GRM8: variants seen among roughly 807,000 people sequenced by gnomAD.
GRM8 encodes glutamate metabotropic receptor 8.
In GRM8, 47 loss-of-function variants were observed where a neutral mutation model predicts 87.2. The ratio of observed to expected loss-of-function variants is 0.54; its 90% CI spans 0.43 to 0.69. The LOEUF is 0.69. Ranked by LOEUF, GRM8 falls within the 30% of genes least tolerant of loss-of-function variation. The pLI is 0.00. For synonymous variants in GRM8, 396 were observed against 404.5 expected (o/e 0.98, Z 0.25); for missense variants, 1,019 against 1,139.2 (o/e 0.89, Z 1.52).
At chr7:126,831,208 G>T (rs1761587439) in intron 6 of GRM8, among the ~76,000 whole-genome samples, 2 of 152,206 alleles carry the variant, frequency 1.3e-5, no homozygotes, top group African/African-American at 4.8e-5. Context: ...CCAGCTGAGT[G>T]CTGGGAGAAC....
chr7:126,619,978 A>C (rs1365697405), intron 7 of GRM8, among the ~76,000 whole-genome samples: 1 of 152,112 alleles, frequency 6.6e-6, no homozygotes, highest in Non-Finnish European at 1.5e-5. Flanking sequence ...GGCATGAATA[A>C]ATGTGCCCAG....
chr7:126,866,631 A>T (rs887570989), intron 6 of GRM8, among the ~76,000 whole-genome samples: 1 of 115,696 alleles, frequency 8.6e-6, no homozygotes, highest in Non-Finnish European at 1.6e-5. Context: ...TTGCTCTGTC[A>T]CCCAGGTTGG....
chr7:126,797,717 G>T (rs1822121371), intron 6 of GRM8, among the ~76,000 whole-genome samples: 1 of 151,932 alleles, frequency 6.6e-6, no homozygotes, highest in Non-Finnish European at 1.5e-5. Context: ...AAATTTAAAG[G>T]TCTAATCATT....
intron 1 of GRM8, among the ~76,000 whole-genome samples, chr7:127,249,244 A>C (rs568588946): frequency 2.6e-5 from 4 of 151,814 alleles, no homozygotes; most frequent in Admixed American, 2.0e-4. Context: ...CCCTGCGCTG[A>C]CCTCCCCAGA....
intron 8 of GRM8, among the ~76,000 whole-genome samples, chr7:126,601,936 A>T (rs1349309617): frequency 7.4e-6 from 1 of 135,252 alleles, no homozygotes; most frequent in Non-Finnish European, 1.7e-5. Context: ...CTTTAGTTTA[A>T]TTAGATCCCA....
chr7:127,154,697 C>A (rs971543661), intron 2 of GRM8, among the ~76,000 whole-genome samples: 3 of 151,906 alleles, frequency 2.0e-5, no homozygotes, highest in Non-Finnish European at 4.4e-5. Context: ...GATATCAATT[C>A]TTTTTGATTT....
chr7:127,201,538 T>C (rs1367802249), intron 2 of GRM8, among the ~76,000 whole-genome samples: 2 of 152,220 alleles, frequency 1.3e-5, no homozygotes, highest in Admixed American at 6.5e-5. Flanking sequence ...AGTGATCTCA[T>C]TAAAGGATCA....
intron 2 of GRM8, among the ~76,000 whole-genome samples, chr7:127,213,792 C>T (rs1247384822): frequency 2.0e-5 from 3 of 152,122 alleles, no homozygotes; most frequent in East Asian, 3.8e-4. Flanking sequence ...GTTTTGTTTA[C>T]TGAACTTCCA....
At chr7:126,680,409 A>C (rs1488532180) in intron 7 of GRM8, among the ~76,000 whole-genome samples, 1 of 152,216 alleles carries the variant, frequency 6.6e-6, no homozygotes, top group East Asian at 1.9e-4. Context: ...CTTGCTTTTT[A>C]GTTAGGTATC....
intron 2 of GRM8, among the ~76,000 whole-genome samples, chr7:127,214,804 T>C (rs1331487729): frequency 6.6e-6 from 1 of 152,196 alleles, no homozygotes; most frequent in African/African-American, 2.4e-5. Context: ...ATATCAGATG[T>C]TAAAACCTTT....
intron 2 of GRM8, among the ~76,000 whole-genome samples, chr7:127,209,737 T>A (rs1050627847): frequency 6.6e-6 from 1 of 152,228 alleles, no homozygotes; most frequent in African/African-American, 2.4e-5. Flanking sequence ...GAAGTTCCTC[T>A]GGTGATAACA....
intron 8 of GRM8, among the ~76,000 whole-genome samples, chr7:126,568,164 CAGAG>C (rs1794402216): frequency 6.6e-6 from 1 of 152,064 alleles, no homozygotes; most frequent in African/African-American, 2.4e-5. Flanking sequence ...AAAAACAGAA[CAGAG>C]ATAATGAGGC....
intron 7 of GRM8, 57 bp downstream of exon 7, chr7:126,769,808 G>A (rs1818625680): frequency 2.6e-6 from 3 of 1,166,150 alleles, no homozygotes; most frequent in Non-Finnish European, 3.9e-6. Flanking sequence ...ATATATAGGA[G>A]GAAAAACACA....
At chr7:127,095,252 A>T (rs1269169097) in intron 3 of GRM8, among the ~76,000 whole-genome samples, 1 of 152,204 alleles carries the variant, frequency 6.6e-6, no homozygotes, top group Non-Finnish European at 1.5e-5. Context: ...ACAACCATAC[A>T]CAGGGTCCAT....
At chr7:126,870,900 T>C (rs1397993453) in intron 6 of GRM8, among the ~76,000 whole-genome samples, 1 of 152,130 alleles carries the variant, frequency 6.6e-6, no homozygotes, top group Non-Finnish European at 1.5e-5. Context: ...AACTGCAAAG[T>C]ACAATAAAAC....
intron 6 of GRM8, among the ~76,000 whole-genome samples, chr7:126,843,205 G>T (rs1433404024): frequency 6.6e-6 from 1 of 152,096 alleles, no homozygotes; most frequent in African/African-American, 2.4e-5. Context: ...TTCATTTCAT[G>T]TCAGTTTTGG....
chr7:126,819,662 A>C (rs192948137), intron 6 of GRM8, among the ~76,000 whole-genome samples: 137 of 152,286 alleles, frequency 9.0e-4, no homozygotes, highest in African/African-American at 3.2e-3. Context: ...TTTATGTTAA[A>C]ATTTGTAAAA....
At chr7:126,954,232 A>T (rs2131626327) in intron 3 of GRM8, among the ~76,000 whole-genome samples, 1 of 152,296 alleles carries the variant, frequency 6.6e-6, no homozygotes, top group East Asian at 1.9e-4. Flanking sequence ...AGTCAAGTGA[A>T]AAACTGCTGA....
chr7:126,488,399 G>A (rs1191266525), intron 9 of GRM8, among the ~76,000 whole-genome samples: 1 of 151,890 alleles, frequency 6.6e-6, no homozygotes, highest in African/African-American at 2.4e-5. Context: ...AATGTCTTTG[G>A]GTATCCTGGA....
Sources: gnomAD v4.1 joint callset for allele counts (sites outside exome capture counted in the v4.1 genomes callset) on GRCh38, gnomAD v4.1.1 for gene constraint, MANE v1.5 for transcripts, NCBI Gene and HGNC (gene_info 2026-07-23, HGNC 2026-07-21) for gene names.